Variants in GDPD4 observed in about 807,000 individuals in gnomAD.
The protein encoded by GDPD4 is glycerophosphodiester phosphodiesterase 6.
GDPD4 carries 60 observed loss-of-function variants against 67.8 expected under a neutral mutation model. The ratio of observed to expected loss-of-function variants is 0.88; its 90% confidence interval spans 0.72 to 1.10. The LOEUF (loss-of-function observed/expected upper bound fraction) is 1.10, where lower values mean the gene tolerates loss of function less well. Among genes scored for constraint, GDPD4 ranks in the 50% least tolerant of loss-of-function variants. The pLI is 0.00. For missense variants in GDPD4, 623 were observed against 613.9 expected (o/e 1.01, Z -0.16); for synonymous variants, 212 against 210.9 (o/e 1.00, Z -0.04).
chr11:77,247,675 T>C (rs887424957), intron 11 of GDPD4, among the ~76,000 whole-genome samples: 6 of 152,250 alleles, frequency 3.9e-5, no homozygotes, highest in Non-Finnish European at 7.4e-5. Flanking sequence ...GATTAAAAGG[T>C]CCTCTGTTCT....
At chr11:77,275,357 G>A (rs1959412201) in intron 5 of GDPD4, among the ~76,000 whole-genome samples, 1 of 152,160 alleles carries the variant, frequency 6.6e-6, no homozygotes, top group Non-Finnish European at 1.5e-5. Context: ...GTCCTCTGGG[G>A]ACCAGATATA....
chr11:77,247,966 C>A (rs188565775), intron 11 of GDPD4, among the ~76,000 whole-genome samples: 2 of 146,214 alleles, frequency 1.4e-5, no homozygotes, highest in Admixed American at 7.0e-5. Context: ...GCAGGAGAAT[C>A]GCTTGAACCG....
chr11:77,229,013 G>A, intron 15 of GDPD4, 137 bp downstream of exon 15: 1 of 555,300 alleles, frequency 1.8e-6, no homozygotes, highest in East Asian at 3.0e-5. Flanking sequence ...CAGACTACAT[G>A]AGAAGAGAGA....
chr11:77,243,991 G>C, intron 12 of GDPD4, 143 bp from the exon 13 acceptor site: 1 of 607,368 alleles, frequency 1.6e-6, no homozygotes, highest in South Asian at 2.3e-5. Flanking sequence ...CTTGGTGAAA[G>C]AGTCAACATG....
intron 1 of GDPD4, among the ~76,000 whole-genome samples, chr11:77,290,639 A>G (rs1048095528): frequency 6.6e-6 from 1 of 152,198 alleles, no homozygotes; most frequent in Non-Finnish European, 1.5e-5. Context: ...GCTTATACCA[A>G]TAAACATTTA....
intron 14 of GDPD4, among the ~76,000 whole-genome samples, chr11:77,232,196 A>C (rs1958468849): frequency 6.6e-6 from 1 of 152,232 alleles, no homozygotes; most frequent in Non-Finnish European, 1.5e-5. Context: ...TTGATGACTA[A>C]AAGTGAACTT....
intron 13 of GDPD4, among the ~76,000 whole-genome samples, chr11:77,235,855 C>A (rs1300394158): frequency 6.6e-6 from 1 of 151,750 alleles, no homozygotes; most frequent in African/African-American, 2.4e-5. Context: ...ACTGTGGAGG[C>A]TGAGGCAGAA....
At chr11:77,300,524 C>A (rs1938123318) in intron 1 of GDPD4, among the ~76,000 whole-genome samples, 1 of 140,610 alleles carries the variant, frequency 7.1e-6, no homozygotes, top group Admixed American at 7.0e-5. Context: ...GGAGATTTAA[C>A]ACACCTCTTA....
chr11:77,241,299 G>A (rs1039302585), intron 13 of GDPD4, among the ~76,000 whole-genome samples: 1 of 152,144 alleles, frequency 6.6e-6, no homozygotes, highest in South Asian at 2.1e-4. Flanking sequence ...GAGCATGGGC[G>A]ACATTATGGT....
rs575132377 is a variant in GDPD4 at position 77,235,739 on chromosome 11, G to C, written c.1242-2567C>G. ...GGAGGCCAAGGCAGGAGGATGGCTT[G>C]AGGCCAGGAGTTTGAGACCAGCCTG... On this transcript the variant is annotated intron_variant, in intron 13 of 16. Coordinates refer to ENST00000315938, the MANE Select transcript of GDPD4 (RefSeq NM_182833.3). 1.1e-3 allele frequency among the ~76,000 whole-genome samples: 167 copies of C among 152,294 alleles called. 1 individual carries two copies. The highest frequency in any genetic ancestry group is 3.9e-3 in the African/African-American group (163 of 41,564).
At chr11:77,217,358 C>T (rs1294617465) in intron 16 of GDPD4, 44 bp from the exon 17 acceptor site, 8 of 1,425,574 alleles carry the variant, frequency 5.6e-6, no homozygotes, top group East Asian at 2.3e-5. Context: ...GTCACTTCTC[C>T]ACTCTCTGTC....
intron 16 of GDPD4, among the ~76,000 whole-genome samples, chr11:77,221,265 T>G (rs187017843): frequency 6.2e-4 from 94 of 152,344 alleles, no homozygotes; most frequent in African/African-American, 2.2e-3. Flanking sequence ...AGTTATTTCT[T>G]GCCTTCTGCT....
At chr11:77,298,437 G>A (rs1299288572) in intron 1 of GDPD4, among the ~76,000 whole-genome samples, 3 of 152,184 alleles carry the variant, frequency 2.0e-5, no homozygotes, top group African/African-American at 7.2e-5. Flanking sequence ...GCTTGAACCC[G>A]GGAGGCGGAG....
intron 12 of GDPD4, 96 bp from the exon 13 acceptor site, chr11:77,243,944 TA>T (rs1168889973): frequency 1.3e-6 from 1 of 778,012 alleles, no homozygotes; most frequent in African/African-American, 1.7e-5. Context: ...CCAGCACAGG[TA>T]GTATTCTACA....
chr11:77,287,908 T>C (rs936034781), intron 1 of GDPD4, among the ~76,000 whole-genome samples: 1 of 152,224 alleles, frequency 6.6e-6, no homozygotes, highest in African/African-American at 2.4e-5. Context: ...CAATTATGAA[T>C]GATGGAATCT....
intron 9 of GDPD4, 106 bp from the exon 10 acceptor site, chr11:77,268,645 G>T: frequency 2.2e-6 from 2 of 907,740 alleles, no homozygotes; most frequent in Non-Finnish European, 3.6e-6. Flanking sequence ...GCAGAGCTTG[G>T]CTCCCTGAGA....
intron 5 of GDPD4, among the ~76,000 whole-genome samples, chr11:77,271,671 C>T (rs1591565481): frequency 6.6e-6 from 1 of 152,190 alleles, no homozygotes; most frequent in Non-Finnish European, 1.5e-5. Context: ...TATCTCCAGC[C>T]TCAGCTGGGT....
At chr11:77,254,015 T>TCCCA (rs1352449666) in intron 11 of GDPD4, among the ~76,000 whole-genome samples, 2 of 151,930 alleles carry the variant, frequency 1.3e-5, no homozygotes, top group Admixed American at 1.3e-4. Flanking sequence ...TTGGGGTGGT[T>TCCCA]CCCCAGTAGT....
At chr11:77,262,876 A>AG (rs35629424) in intron 10 of GDPD4, among the ~76,000 whole-genome samples, 2 of 150,498 alleles carry the variant, frequency 1.3e-5, no homozygotes, top group African/African-American at 4.9e-5. Context: ...AAAAAAAAAA[A>AG]AGGAGCTGGG....
Sources: gnomAD v4.1 joint callset for allele counts (sites outside exome capture counted in the v4.1 genomes callset) on GRCh38, gnomAD v4.1.1 for gene constraint, MANE v1.5 for transcripts, NCBI Gene and HGNC (gene_info 2026-07-23, HGNC 2026-07-21) for gene names.